Variants in RANBP2 observed in about 807,000 individuals in gnomAD.
RANBP2 encodes the protein RAN binding protein 2, also known as E3 SUMO-protein ligase RanBP2.
Under a neutral mutation model 303.6 loss-of-function variants are expected in RANBP2, and 57 were observed. The observed-to-expected ratio is 0.19, with a 90% CI of 0.15 to 0.23. RANBP2 has a LOEUF of 0.23. Ranked by LOEUF, RANBP2 falls within the 10% of genes least tolerant of loss-of-function variation. The pLI, the probability that RANBP2 is intolerant of heterozygous loss-of-function variation, is 1.00. For synonymous variants in RANBP2, 1,167 were observed against 1,301.5 expected (o/e 0.90, Z 2.23); for missense variants, 3,138 against 3,780.8 (o/e 0.83, Z 4.46).
the RANBP2 span, among the ~76,000 whole-genome samples, chr2:109,621,422 G>T: frequency 6.6e-6 from 1 of 152,060 alleles, no homozygotes; most frequent in East Asian, 1.9e-4. Context: ...AAAGTGCTGG[G>T]ATTACATGTG....
chr2:109,186,452 C>T, the RANBP2 span, among the ~76,000 whole-genome samples: 14 of 152,356 alleles, frequency 9.2e-5, no homozygotes, highest in East Asian at 2.5e-3. Context: ...ACTTCACCGC[C>T]GTGCTGGACC....
At chr2:109,185,506 A>G in the RANBP2 span, among the ~76,000 whole-genome samples, 1 of 152,210 alleles carries the variant, frequency 6.6e-6, no homozygotes, top group East Asian at 1.9e-4. Context: ...AGCATGTTGA[A>G]AGGTGCAGAC....
chr2:109,284,089 C>G, the RANBP2 span, among the ~76,000 whole-genome samples: 1 of 152,170 alleles, frequency 6.6e-6, no homozygotes. Context: ...CTGGCCTTCC[C>G]AGATCCACCG....
At chr2:109,077,806 A>G in the RANBP2 span, among the ~76,000 whole-genome samples, 1 of 149,958 alleles carries the variant, frequency 6.7e-6, no homozygotes, top group African/African-American at 2.4e-5. Context: ...AACATGAGAT[A>G]ACAAGTGTTG....
At chr2:109,270,431 C>T in the RANBP2 span, among the ~76,000 whole-genome samples, 1 of 152,122 alleles carries the variant, frequency 6.6e-6, no homozygotes, top group Non-Finnish European at 1.5e-5. Flanking sequence ...CCTGCAGCTG[C>T]CACAGGGAAG....
At chr2:109,558,707 A>G in the RANBP2 span, among the ~76,000 whole-genome samples, 1 of 152,120 alleles carries the variant, frequency 6.6e-6, no homozygotes, top group South Asian at 2.1e-4. Context: ...GGAAAAACAA[A>G]CGGAAGTTCT....
chr2:109,267,678 C>A, the RANBP2 span, among the ~76,000 whole-genome samples: 8 of 152,212 alleles, frequency 5.3e-5, no homozygotes, highest in Non-Finnish European at 1.5e-5. Context: ...GAGGCAGGAG[C>A]CCCACCCGTG....
At chr2:109,364,254 G>A in the RANBP2 span, among the ~76,000 whole-genome samples, 25 of 151,052 alleles carry the variant, frequency 1.7e-4, no homozygotes, top group Admixed American at 8.0e-4. Flanking sequence ...TTCCTCAACT[G>A]TGTCCAGTCT....
chr2:109,189,512 G>A, the RANBP2 span, among the ~76,000 whole-genome samples: 2 of 151,876 alleles, frequency 1.3e-5, no homozygotes, highest in African/African-American at 4.8e-5. Context: ...GGGATTACAG[G>A]CACACACCAC....
At chr2:108,794,251 C>T in the RANBP2 span, among the ~76,000 whole-genome samples, 1 of 152,020 alleles carries the variant, frequency 6.6e-6, no homozygotes, top group African/African-American at 2.4e-5. Flanking sequence ...AGGTTGCTTT[C>T]CATTTCTTGG....
chr2:108,815,736 G>C, the RANBP2 span, among the ~76,000 whole-genome samples: 1 of 152,064 alleles, frequency 6.6e-6, no homozygotes, highest in Admixed American at 6.5e-5. Flanking sequence ...AAAGTGGTGG[G>C]ATTACAGGCT....
the RANBP2 span, among the ~76,000 whole-genome samples, chr2:109,453,330 C>G: frequency 4.0e-5 from 6 of 150,432 alleles, no homozygotes; most frequent in African/African-American, 1.5e-4. Context: ...GAACTCAAAT[C>G]TGGTTTTAAA....
the RANBP2 span, among the ~76,000 whole-genome samples, chr2:109,040,544 T>C: frequency 2.6e-5 from 4 of 152,218 alleles, no homozygotes; most frequent in Admixed American, 6.5e-5. Context: ...TCTAGATTAA[T>C]TTAAGGAGAA....
At chr2:109,229,811 C>A in the RANBP2 span, among the ~76,000 whole-genome samples, 7 of 145,842 alleles carry the variant, frequency 4.8e-5, no homozygotes, top group Non-Finnish European at 1.0e-4. Context: ...GATTTTTTTT[C>A]TTTTCTTTTT....
At chr2:109,007,386 C>T in the RANBP2 span, among the ~76,000 whole-genome samples, 1 of 152,190 alleles carries the variant, frequency 6.6e-6, no homozygotes, top group South Asian at 2.1e-4. Context: ...TGACTTAGCT[C>T]TGCAATTTCT....
the RANBP2 span, chr2:109,545,207 A>G: frequency 1.0e-6 from 1 of 985,426 alleles, no homozygotes; most frequent in Non-Finnish European, 1.2e-6. Flanking sequence ...GAGTCCCCCA[A>G]ATGAGCATTC....
chr2:109,459,895 A>C, the RANBP2 span, among the ~76,000 whole-genome samples: 1 of 152,214 alleles, frequency 6.6e-6, no homozygotes, highest in Non-Finnish European at 1.5e-5. Context: ...TCCTGGGCCC[A>C]TGAGTCCTGG....
At chr2:108,771,554 A>C (rs1409287122) in intron 20 of RANBP2, 147 bp from the exon 21 acceptor site, 2 of 1,361,272 alleles carry the variant, frequency 1.5e-6, no homozygotes, top group Admixed American at 2.7e-5. Context: ...CATGATTATC[A>C]TACATCTCTG....
chr2:109,456,995 A>C, the RANBP2 span, among the ~76,000 whole-genome samples: 1 of 152,204 alleles, frequency 6.6e-6, no homozygotes, highest in African/African-American at 2.4e-5. Flanking sequence ...ATTAATCAGC[A>C]TGGAGGGTGG....
Sources: allele counts gnomAD v4.1 joint callset (sites outside exome capture counted in the v4.1 genomes callset), GRCh38; gene constraint gnomAD v4.1.1; transcripts MANE v1.5; gene names NCBI Gene and HGNC (gene_info 2026-07-23, HGNC 2026-07-21).